Variants in PCDH15 observed in about 807,000 individuals in gnomAD.
PCDH15 encodes protocadherin-15.
In PCDH15, 129 loss-of-function variants were observed where a neutral mutation model predicts 178.5. That is an observed-to-expected ratio of 0.72 (90% CI 0.63 to 0.84). The LOEUF (loss-of-function observed/expected upper bound fraction) is 0.84, where lower values mean the gene tolerates loss of function less well. Among genes scored for constraint, PCDH15 ranks in the 40% least tolerant of loss-of-function variants. The pLI, the probability that PCDH15 is intolerant of heterozygous loss-of-function variation, is 0.00. For missense variants in PCDH15, 2,230 were observed against 2,099.9 expected, an observed-to-expected ratio of 1.06 and a Z score of -1.21; for synonymous variants, 800 against 732.0, an observed-to-expected ratio of 1.09 and a Z score of -1.50.
At position 54,647,725 on chromosome 10, in the gene PCDH15, G is replaced by C. The variant is rs151326676; in HGVS notation, c.91+16447C>G. ...TGTAATGATTAAATAGATTAAATAA[G>C]ATAGTATATACTTGATTGACCATTG... is the stretch of plus-strand genomic sequence containing the variant. On this transcript the variant is annotated intron_variant, in intron 2 of 37. Transcript: ENST00000644397. Among the ~76,000 whole-genome samples the C allele has an allele frequency of 7.2e-3, 1,090 of 152,122 alleles. 13 individuals carry two copies. Among genetic ancestry groups the C allele is most frequent in the African/African-American group, 0.024 (980 of 41,504 alleles).
intron 21 of PCDH15, among the ~76,000 whole-genome samples, chr10:53,968,612 G>T (rs889185231): frequency 6.6e-6 from 1 of 152,142 alleles, no homozygotes; most frequent in African/African-American, 2.4e-5. Flanking sequence ...AGTAGAGGCC[G>T]ACTGACACCT....
chr10:54,662,917 C>T (rs143827755), intron 2 of PCDH15, among the ~76,000 whole-genome samples: 1 of 151,910 alleles, frequency 6.6e-6, no homozygotes, highest in Admixed American at 6.6e-5. Flanking sequence ...TTTATACATA[C>T]TGCTTTTAAA....
At chr10:55,057,024 T>C (rs1841324416) in intron 2 of PCDH15, among the ~76,000 whole-genome samples, 1 of 152,144 alleles carries the variant, frequency 6.6e-6, no homozygotes, top group African/African-American at 2.4e-5. Context: ...TCACAATTGA[T>C]TAGTAAGTTT....
chr10:55,122,064 A>C (rs1044148709), intron 2 of PCDH15, among the ~76,000 whole-genome samples: 1 of 152,182 alleles, frequency 6.6e-6, no homozygotes, highest in Non-Finnish European at 1.5e-5. Context: ...AGTTATGAAA[A>C]ATTAAGGGAA....
chr10:55,545,079 G>T (rs1449810764), intron 2 of PCDH15, among the ~76,000 whole-genome samples: 1 of 152,028 alleles, frequency 6.6e-6, no homozygotes, highest in Non-Finnish European at 1.5e-5. Context: ...GCTCTAGCTG[G>T]ACTTGCTTAC....
chr10:55,161,014 TG>T (rs1485342078), intron 2 of PCDH15, among the ~76,000 whole-genome samples: 1 of 152,126 alleles, frequency 6.6e-6, no homozygotes, highest in Admixed American at 6.6e-5. Flanking sequence ...TATTATTACG[TG>T]CAGTAGACAC....
chr10:55,114,544 C>G (rs1837584162), intron 2 of PCDH15, among the ~76,000 whole-genome samples: 1 of 152,178 alleles, frequency 6.6e-6, no homozygotes, highest in Non-Finnish European at 1.5e-5. Context: ...TTTTCCAGCT[C>G]CCTTGTAGCT....
chr10:53,983,700 T>C (rs1036000081), intron 21 of PCDH15, among the ~76,000 whole-genome samples: 1 of 152,218 alleles, frequency 6.6e-6, no homozygotes. Flanking sequence ...GTAAAATTTA[T>C]TTATTTAAAC....
chr10:55,386,032 T>C (rs945054676), intron 2 of PCDH15, among the ~76,000 whole-genome samples: 1 of 151,832 alleles, frequency 6.6e-6, no homozygotes, highest in East Asian at 1.9e-4. Context: ...ATAAATTTGT[T>C]TGACTATCAA....
At chr10:53,848,969 T>C (rs985378664) in intron 28 of PCDH15, among the ~76,000 whole-genome samples, 2 of 152,122 alleles carry the variant, frequency 1.3e-5, no homozygotes, top group African/African-American at 4.8e-5. Context: ...AAATATATTT[T>C]TAATCTGGGA....
At chr10:54,196,169 G>A (rs527496299) in intron 10 of PCDH15, among the ~76,000 whole-genome samples, 89 of 152,144 alleles carry the variant, frequency 5.8e-4, no homozygotes, top group Non-Finnish European at 1.0e-3. Context: ...TTGAGACAGA[G>A]TCTTGCTCTG....
chr10:55,560,652 A>C (rs1488422806), intron 2 of PCDH15, among the ~76,000 whole-genome samples: 2 of 151,920 alleles, frequency 1.3e-5, no homozygotes, highest in Non-Finnish European at 2.9e-5. Context: ...CAGTAATGAA[A>C]AAGAGTAATG....
intron 26 of PCDH15, among the ~76,000 whole-genome samples, chr10:53,883,538 C>A (rs2080884031): frequency 6.6e-6 from 1 of 152,056 alleles, no homozygotes; most frequent in South Asian, 2.1e-4. Context: ...AAAACACTGA[C>A]CAAGAAGCAG....
At chr10:54,200,452 G>A (rs764289840) in intron 10 of PCDH15, among the ~76,000 whole-genome samples, 10 of 151,742 alleles carry the variant, frequency 6.6e-5, no homozygotes, top group Non-Finnish European at 1.5e-4. Context: ...GCCCCGGTGT[G>A]TGATGTTCCC....
At chr10:55,227,061 T>C (rs1841068016) in intron 1 of PCDH15, among the ~76,000 whole-genome samples, 1 of 152,018 alleles carries the variant, frequency 6.6e-6, no homozygotes, top group Non-Finnish European at 1.5e-5. Context: ...ACAATGTATA[T>C]ACATTTCAAC....
intron 2 of PCDH15, among the ~76,000 whole-genome samples, chr10:54,573,642 T>C (rs2090105694): frequency 6.6e-6 from 1 of 152,188 alleles, no homozygotes; most frequent in Non-Finnish European, 1.5e-5. Context: ...TTTTACAGCC[T>C]TCATTAATAT....
At chr10:53,965,415 T>C (rs937485639) in intron 21 of PCDH15, among the ~76,000 whole-genome samples, 3 of 152,150 alleles carry the variant, frequency 2.0e-5, no homozygotes, top group Non-Finnish European at 4.4e-5. Flanking sequence ...TCTTCTGAAA[T>C]TTTCTTAGCT....
intron 18 of PCDH15, among the ~76,000 whole-genome samples, chr10:54,053,586 C>T (rs1331929993): frequency 2.6e-5 from 4 of 152,160 alleles, no homozygotes; most frequent in Admixed American, 2.6e-4. Context: ...GCTAAATTTT[C>T]AAGTATCTGA....
chr10:54,937,686 T>C (rs1396926054), intron 2 of PCDH15, among the ~76,000 whole-genome samples: 1 of 151,992 alleles, frequency 6.6e-6, no homozygotes, highest in Non-Finnish European at 1.5e-5. Context: ...ACCTCGATGG[T>C]CTTAATTATC....
Sources: allele counts gnomAD v4.1 joint callset (sites outside exome capture counted in the v4.1 genomes callset), GRCh38; gene constraint gnomAD v4.1.1; transcripts MANE v1.5; gene names NCBI Gene and HGNC (gene_info 2026-07-23, HGNC 2026-07-21).